OGDH: variants seen among roughly 807,000 people sequenced by gnomAD.
OGDH encodes oxoglutarate dehydrogenase, also known as 2-oxoglutarate dehydrogenase complex component E1.
In OGDH, 38 loss-of-function variants were observed where a neutral mutation model predicts 116.6. The ratio of observed to expected loss-of-function variants is 0.33; its 90% CI spans 0.25 to 0.43. The LOEUF is 0.43. Ranked by LOEUF, OGDH falls within the 20% of genes least tolerant of loss-of-function variation. OGDH has a pLI of 1.00. For synonymous variants in OGDH, 488 were observed against 533.3 expected (o/e 0.92, Z 1.17); for missense variants, 825 against 1,357.2 (o/e 0.61, Z 6.16).
At chr7:44,675,928 A>G (rs748262009) in intron 8 of OGDH, 42 bp from the exon 9 acceptor site, 4 of 1,598,226 alleles carry the variant, frequency 2.5e-6, no homozygotes, top group East Asian at 2.2e-5. Context: ...GAGACTGAGC[A>G]TCTCCTTGGC....
In OGDH at chr7:44,647,792, T is replaced by C. The variant is rs778914065; in HGVS notation, c.517+33T>C. 8.7e-5 allele frequency: 135 copies of C among 1,547,780 alleles called. 3 individuals are homozygous for C. In the South Asian group the frequency reaches 1.1e-3, roughly 13 times the overall value. On this transcript the variant is annotated intron_variant, in intron 4 of 22. Transcript: ENST00000222673. ...TCTGAGAGCAGTCAGCTGCGTTGCTTGAGCTCCTCTCGCTGTGCCACGACC... is the reference window on the plus strand; with the variant it reads ...TCTGAGAGCAGTCAGCTGCGTTGCTCGAGCTCCTCTCGCTGTGCCACGACC...
At chr7:44,701,325 A>C (rs1216934139) in intron 19 of OGDH, among the ~76,000 whole-genome samples, 1 of 152,204 alleles carries the variant, frequency 6.6e-6, no homozygotes, top group Non-Finnish European at 1.5e-5. Context: ...GGGCCCTGCC[A>C]GGAGTGGATA....
intron 4 of OGDH, chr7:44,656,399 G>A: frequency 6.5e-7 from 1 of 1,528,146 alleles, no homozygotes; most frequent in South Asian, 1.2e-5. Context: ...TTTCAGAGTT[G>A]AGGACTTCAT....
intron 1 of OGDH, among the ~76,000 whole-genome samples, chr7:44,607,782 C>A (rs758181156): frequency 2.2e-4 from 33 of 152,132 alleles, no homozygotes; most frequent in Admixed American, 1.5e-3. Flanking sequence ...CTCACTGCAA[C>A]CTCTGCCTTC....
At chr7:44,616,907 C>T (rs547889748) in intron 1 of OGDH, among the ~76,000 whole-genome samples, 41 of 124,978 alleles carry the variant, frequency 3.3e-4, no homozygotes, top group Non-Finnish European at 5.4e-4. Context: ...GCCGAGATCG[C>T]GCCACTGCAC....
At chr7:44,663,995 G>A (rs914883532) in intron 4 of OGDH, among the ~76,000 whole-genome samples, 1 of 151,956 alleles carries the variant, frequency 6.6e-6, no homozygotes, top group African/African-American at 2.4e-5. Flanking sequence ...AATCACAGGC[G>A]ATTCTAACAT....
In OGDH at chr7:44,700,136, T is replaced by C. The variant is rs1370848190; in HGVS notation, c.2431-5T>C. The C allele has an allele frequency of 9.9e-6, 16 of 1,613,972 alleles. No individual in the cohort carries two copies. The highest frequency in any genetic ancestry group is 1.7e-5 in the Admixed American group (1 of 60,002). ...GGCCTCTGGCCATTTCCTTCCCTGCTGCAGGACCTTAAAGAAGCCAACTTC... is the reference window on the plus strand; with the variant it reads ...GGCCTCTGGCCATTTCCTTCCCTGCCGCAGGACCTTAAAGAAGCCAACTTC... On this transcript the variant is annotated splice_region_variant and splice_polypyrimidine_tract_variant and intron_variant, in intron 18 of 22. Transcript: ENST00000222673.
intron 4 of OGDH, among the ~76,000 whole-genome samples, chr7:44,663,450 T>C (rs879877425): frequency 2.8e-4 from 43 of 152,268 alleles, no homozygotes; most frequent in Non-Finnish European, 4.4e-4. Context: ...CCGGCCAACG[T>C]GGGAAAACTC....
intron 4 of OGDH, among the ~76,000 whole-genome samples, chr7:44,654,860 C>T (rs1489071896): frequency 6.6e-6 from 1 of 152,208 alleles, no homozygotes; most frequent in African/African-American, 2.4e-5. Context: ...TCCGCTCCCT[C>T]TCTCCTCCCT....
At chr7:44,685,438 T>G (rs1226335360) in intron 10 of OGDH, among the ~76,000 whole-genome samples, 2 of 152,256 alleles carry the variant, frequency 1.3e-5, no homozygotes, top group African/African-American at 4.8e-5. Context: ...TTATAGCATG[T>G]GTTAGAGTTT....
In OGDH at chr7:44,694,625, G is replaced by A; in HGVS notation, c.1668+49G>A. On this transcript the variant is annotated intron_variant, in intron 12 of 22. Transcript: ENST00000222673. The surrounding 1 kb of genome is among the most constrained non-coding windows in gnomAD (Gnocchi z 4.2). ...AGTGCGCCTTTCCAGGGCTGGCGAT[G>A]ACTAGAAAAGGTGGGCCACAGGGCC... 6.2e-7 allele frequency: 1 copy of A among 1,602,228 alleles called. No homozygotes were observed. The highest frequency in any genetic ancestry group is 8.5e-7 in the Non-Finnish European group (1 of 1,170,490).
Position 44,689,392 on chromosome 7 carries a change from CTTTTTTT to C in OGDH, c.1336-4413_1336-4407del, listed in dbSNP as rs561058807. ...CACCACTCCCAGCTAATTTTTTTTT[CTTTTTTT>C]TTTTTTTTTTTTTTTTTTTGGTAGC... On this transcript the variant is annotated intron_variant, in intron 10 of 22. Coordinates refer to ENST00000222673, the MANE Select transcript of OGDH (RefSeq NM_002541.4). Among the ~76,000 whole-genome samples, 355 of 71,264 alleles carry C rather than the reference CTTTTTTT, an allele frequency of 5.0e-3. 1 individual carries two copies. Among genetic ancestry groups the C allele is most frequent in the African/African-American group, 0.017 (290 of 17,090 alleles). The allele number at this position is 71,264 out of a possible 152,430, so 46.8% of individuals were successfully genotyped here.
intron 4 of OGDH, among the ~76,000 whole-genome samples, chr7:44,665,815 G>A (rs1379264425): frequency 2.0e-5 from 3 of 152,200 alleles, no homozygotes; most frequent in Admixed American, 2.0e-4. Context: ...TGTCAGGAGA[G>A]ATGCCAAACT....
At chr7:44,612,345 C>G (rs115775469) in intron 1 of OGDH, among the ~76,000 whole-genome samples, 1,617 of 152,112 alleles carry the variant, frequency 0.011, 28 homozygotes, top group African/African-American at 0.037. Flanking sequence ...TCTCTCACTT[C>G]TTTTTCAAAA....
chr7:44,670,629 G>A (rs550061773), intron 5 of OGDH, among the ~76,000 whole-genome samples: 2 of 152,242 alleles, frequency 1.3e-5, no homozygotes, highest in South Asian at 2.1e-4. Context: ...TGAAATTAGG[G>A]ATTAGGGGGC....
intron 4 of OGDH, among the ~76,000 whole-genome samples, chr7:44,663,886 G>A (rs1360454301): frequency 1.3e-5 from 2 of 151,806 alleles, no homozygotes; most frequent in African/African-American, 4.8e-5. Context: ...GTTGCAGTGA[G>A]CAGTGATCAA....
chr7:44,694,604 C>T lies in OGDH; in HGVS notation c.1668+28C>T, dbSNP rs199519848. The T allele has an allele frequency of 2.4e-5, 38 of 1,609,232 alleles. No individual in the cohort carries two copies. Among genetic ancestry groups the T allele is most frequent in the Middle Eastern group, 3.3e-4 (2 of 6,036 alleles). ...ACGTCCCTGCGGCTCTATCCCAGTG[C>T]GCCTTTCCAGGGCTGGCGATGACTA... On this transcript the variant is annotated intron_variant, in intron 12 of 22. Coordinates refer to ENST00000222673, the MANE Select transcript of OGDH (RefSeq NM_002541.4). This position sits in a 1 kb window ranked among gnomAD's most constrained non-coding sequence, Gnocchi z 4.2.
chr7:44,646,852 C>CT (rs1216592850), intron 3 of OGDH, among the ~76,000 whole-genome samples: 1 of 152,174 alleles, frequency 6.6e-6, no homozygotes, highest in Non-Finnish European at 1.5e-5. Context: ...ATAATAAAGG[C>CT]AAACCTTCTC....
chr7:44,609,085 C>T (rs887688519), intron 1 of OGDH, among the ~76,000 whole-genome samples: 8 of 152,108 alleles, frequency 5.3e-5, no homozygotes, highest in Non-Finnish European at 1.0e-4. Flanking sequence ...CTAATCTGTT[C>T]TTCATTTCCC....
Sources: allele counts gnomAD v4.1 joint callset (sites outside exome capture counted in the v4.1 genomes callset), GRCh38; gene constraint gnomAD v4.1.1; non-coding constraint Gnocchi (gnomAD v3.1); transcripts MANE v1.5; gene names NCBI Gene and HGNC (gene_info 2026-07-23, HGNC 2026-07-21).